ANKS1B: variants seen among roughly 807,000 people sequenced by gnomAD.
ANKS1B encodes the protein ankyrin repeat and sterile alpha motif domain containing 1B, also known as ankyrin repeat and sterile alpha motif domain-containing protein 1B.
A neutral mutation model predicts 148.3 loss-of-function variants in ANKS1B; 36 were observed. The observed-to-expected ratio is 0.24, with a 90% confidence interval of 0.19 to 0.32. ANKS1B has a LOEUF of 0.32. ANKS1B is among the 10% of genes least tolerant of loss of function. ANKS1B has a pLI of 1.00. For missense variants in ANKS1B, 1,157 were observed against 1,542.6 expected, an observed-to-expected ratio of 0.75 and a Z score of 4.19; for synonymous variants, 542 against 560.8, an observed-to-expected ratio of 0.97 and a Z score of 0.47.
intron 17 of ANKS1B, among the ~76,000 whole-genome samples, chr12:98,886,661 C>T (rs1262545934): frequency 6.6e-6 from 1 of 152,062 alleles, no homozygotes; most frequent in African/African-American, 2.4e-5. Context: ...CATATCTTAG[C>T]TATGTTATTA....
Position 99,245,839 on chromosome 12 carries a change from T to G in ANKS1B, c.2346+436A>C, listed in dbSNP as rs190127540. 1.4e-3 allele frequency among the ~76,000 whole-genome samples: 211 copies of G among 152,338 alleles called. 1 individual carries two copies. The highest frequency in any genetic ancestry group is 4.8e-3 in the African/African-American group (198 of 41,582). The stretch of plus-strand genomic sequence containing the variant: ...TGGCTGGAGAAGAGCTAGGAAACTT[T>G]ATTTACTATGAAGATTCTAAGGAGC... On this transcript the variant is annotated intron_variant, in intron 13 of 26. Coordinates refer to ENST00000683438, the MANE Select transcript of ANKS1B (RefSeq NM_001352186.2).
chr12:99,487,259 G>C (rs967895156), intron 10 of ANKS1B, among the ~76,000 whole-genome samples: 1 of 152,126 alleles, frequency 6.6e-6, no homozygotes, highest in Admixed American at 6.5e-5. Context: ...GTTGAAGAGT[G>C]AATTTCTTAT....
intron 12 of ANKS1B, among the ~76,000 whole-genome samples, chr12:99,302,785 G>C (rs1190483395): frequency 6.6e-6 from 1 of 152,076 alleles, no homozygotes; most frequent in Non-Finnish European, 1.5e-5. Context: ...CAAGTATAAA[G>C]TTATGAATAC....
intron 1 of ANKS1B, among the ~76,000 whole-genome samples, chr12:99,881,406 G>C (rs1350512248): frequency 6.6e-6 from 1 of 152,206 alleles, no homozygotes; most frequent in African/African-American, 2.4e-5. Flanking sequence ...CCACAAGAGA[G>C]AGGCAAACTC....
intron 17 of ANKS1B, among the ~76,000 whole-genome samples, chr12:99,007,692 G>T (rs564173006): frequency 6.6e-6 from 1 of 152,110 alleles, no homozygotes. Flanking sequence ...CTTTCACCTT[G>T]GAGAGTGGTG....
chr12:98,855,677 G>C (rs1489461870), intron 17 of ANKS1B, among the ~76,000 whole-genome samples: 1 of 152,070 alleles, frequency 6.6e-6, no homozygotes, highest in Non-Finnish European at 1.5e-5. Context: ...TTAAAAGCTG[G>C]GACTATACAA....
intron 17 of ANKS1B, among the ~76,000 whole-genome samples, chr12:98,979,038 A>G (rs1176453037): frequency 6.6e-6 from 1 of 151,666 alleles, no homozygotes; most frequent in African/African-American, 2.4e-5. Flanking sequence ...GCTACTCGGG[A>G]GGCTGAGGCA....
intron 1 of ANKS1B, among the ~76,000 whole-genome samples, chr12:99,855,857 G>T (rs1183720287): frequency 6.6e-6 from 1 of 152,102 alleles, no homozygotes; most frequent in African/African-American, 2.4e-5. Context: ...ACAGTTCTTT[G>T]AACTGAATGA....
rs1305083814 is a variant in ANKS1B, at chr12:99,315,749, C to CCATGTTGGTGTGCTGCACT, written c.1757-68904_1757-68886dup. Among the ~76,000 whole-genome samples the CCATGTTGGTGTGCTGCACT allele has an allele frequency of 9.2e-5, 14 of 152,100 alleles. No individual in the cohort carries two copies. The East Asian group carries it at 2.3e-3, about 25-fold the overall frequency. On this transcript the variant is annotated intron_variant, in intron 12 of 26. Transcript: ENST00000683438. ...GGTTTGTTACATAGGTATACATGTG[C>CCATGTTGGTGTGCTGCACT]CATGTTGGTGTGCTGCACTCATTAA...
At chr12:98,827,754 T>C (rs970057350) in intron 19 of ANKS1B, among the ~76,000 whole-genome samples, 8 of 152,132 alleles carry the variant, frequency 5.3e-5, no homozygotes, top group Non-Finnish European at 1.5e-5. Context: ...CAGTCAATAA[T>C]AGCTAATGCT....
At chr12:98,955,776 T>G (rs1028122339) in intron 17 of ANKS1B, among the ~76,000 whole-genome samples, 4 of 152,146 alleles carry the variant, frequency 2.6e-5, no homozygotes, top group African/African-American at 7.2e-5. Flanking sequence ...TGGAGAAGTC[T>G]TTTTTAGGGA....
At chr12:99,099,004 T>C (rs893855620) in intron 15 of ANKS1B, among the ~76,000 whole-genome samples, 8 of 152,176 alleles carry the variant, frequency 5.3e-5, no homozygotes, top group African/African-American at 1.4e-4. Flanking sequence ...TCTTGCTTCC[T>C]GCTGCATCTC....
chr12:99,329,694 ATT>A (rs1401380044), intron 12 of ANKS1B, among the ~76,000 whole-genome samples: 3 of 151,820 alleles, frequency 2.0e-5, no homozygotes, highest in Non-Finnish European at 4.4e-5. Flanking sequence ...AAAAATCTGC[ATT>A]TCTTATATTA....
intron 17 of ANKS1B, among the ~76,000 whole-genome samples, chr12:98,909,937 C>T (rs550485357): frequency 5.9e-5 from 9 of 152,186 alleles, no homozygotes; most frequent in African/African-American, 1.4e-4. Flanking sequence ...CTCAGGGGGC[C>T]GGGAATCAGC....
chr12:99,279,871 G>A (rs2078170766), intron 12 of ANKS1B, among the ~76,000 whole-genome samples: 1 of 152,014 alleles, frequency 6.6e-6, no homozygotes. Context: ...TGGGCATGTG[G>A]TGCATGCCTA....
At chr12:98,873,162 A>C (rs1005364311) in intron 17 of ANKS1B, among the ~76,000 whole-genome samples, 2 of 151,960 alleles carry the variant, frequency 1.3e-5, no homozygotes, top group African/African-American at 4.8e-5. Context: ...CTATAAACCC[A>C]CCTCTGGCAC....
chr12:99,928,571 C>A (rs1432632021), intron 1 of ANKS1B, among the ~76,000 whole-genome samples: 1 of 152,184 alleles, frequency 6.6e-6, no homozygotes, highest in Admixed American at 6.5e-5. Context: ...AGCCACCGCG[C>A]CTGGCCTCAC....
rs557169363 is a variant in ANKS1B, at chr12:99,567,377, C to A, written c.1273-62736G>T. On this transcript the variant is annotated intron_variant, in intron 9 of 26. Transcript: ENST00000683438. The stretch of plus-strand genomic sequence containing the variant: ...GGGGGCCTTAGTTACATGCAAAAAG[C>A]CTTTTATATGCTTATATCCCTCTGA... Among the ~76,000 whole-genome samples, 13 of 152,220 alleles carry A rather than the reference C, an allele frequency of 8.5e-5. No homozygotes were observed. The East Asian group carries it at 2.5e-3, about 29-fold the overall frequency.
chr12:99,250,078 T>C (rs1414254441), intron 12 of ANKS1B, among the ~76,000 whole-genome samples: 2 of 152,164 alleles, frequency 1.3e-5, no homozygotes, highest in Non-Finnish European at 2.9e-5. Flanking sequence ...AGGAGGAGGC[T>C]GACAAAGTGA....
Sources: allele counts gnomAD v4.1 joint callset (sites outside exome capture counted in the v4.1 genomes callset), GRCh38; gene constraint gnomAD v4.1.1; transcripts MANE v1.5; gene names NCBI Gene and HGNC (gene_info 2026-07-23, HGNC 2026-07-21).